The following EML5 variants were observed in gnomAD, a reference collection of about 807,000 sequenced individuals.
EML5 encodes the protein echinoderm microtubule-associated protein-like 5.
In EML5, 120 loss-of-function variants were observed where a neutral mutation model predicts 250.0. The ratio of observed to expected loss-of-function variants is 0.48; its 90% confidence interval spans 0.41 to 0.56. The LOEUF is 0.56. EML5 is among the 20% of genes least tolerant of loss of function. The pLI is 0.00. For missense variants in EML5, 2,006 were observed against 2,437.6 expected (o/e 0.82, Z 3.73); for synonymous variants, 771 against 806.5 (o/e 0.96, Z 0.75).
At chr14:88,773,365 A>T (rs1489037856) in intron 1 of EML5, among the ~76,000 whole-genome samples, 1 of 152,238 alleles carries the variant, frequency 6.6e-6, no homozygotes, top group African/African-American at 2.4e-5. Context: ...TTGCTTGGTA[A>T]TAAATCTCCA....
intron 21 of EML5, among the ~76,000 whole-genome samples, chr14:88,679,808 G>T (rs565286138): frequency 1.3e-5 from 2 of 152,168 alleles, no homozygotes; most frequent in African/African-American, 4.8e-5. Context: ...GATGATACAA[G>T]AGTCACAGGA....
At chr14:88,636,783 G>A (rs1193157407) in intron 32 of EML5, among the ~76,000 whole-genome samples, 1 of 152,218 alleles carries the variant, frequency 6.6e-6, no homozygotes, top group East Asian at 1.9e-4. Context: ...CACCAAGAAT[G>A]AGGGCCAAAG....
At chr14:88,741,275 T>G (rs995821628) in intron 4 of EML5, among the ~76,000 whole-genome samples, 1 of 152,166 alleles carries the variant, frequency 6.6e-6, no homozygotes, top group African/African-American at 2.4e-5. Context: ...ATACTCTCTC[T>G]GATAGAAACA....
chr14:88,778,072 G>A (rs1303938265), intron 1 of EML5, among the ~76,000 whole-genome samples: 1 of 152,166 alleles, frequency 6.6e-6, no homozygotes, highest in Non-Finnish European at 1.5e-5. Flanking sequence ...GTTGTTATCA[G>A]CTTAAAATAA....
At chr14:88,698,524 G>T (rs952046313) in intron 14 of EML5, among the ~76,000 whole-genome samples, 20 of 151,942 alleles carry the variant, frequency 1.3e-4, no homozygotes, top group Admixed American at 3.3e-4. Context: ...CTCAGTTTTC[G>T]AAAGTGCTAG....
At chr14:88,704,185 G>A (rs1447642550) in intron 13 of EML5, among the ~76,000 whole-genome samples, 2 of 152,156 alleles carry the variant, frequency 1.3e-5, no homozygotes, top group Non-Finnish European at 2.9e-5. Flanking sequence ...CCTTGGTGAT[G>A]AGTGAGTTCT....
chr14:88,702,357 C>A, intron 14 of EML5, 89 bp downstream of exon 14: 3 of 1,019,572 alleles, frequency 2.9e-6, no homozygotes, highest in South Asian at 2.7e-5. Flanking sequence ...TCTTCATATC[C>A]TAGAACATAA....
At chr14:88,765,043 C>T (rs550777220) in intron 1 of EML5, among the ~76,000 whole-genome samples, 4 of 152,266 alleles carry the variant, frequency 2.6e-5, no homozygotes, top group South Asian at 2.1e-4. Context: ...AGGAATTTCA[C>T]GTCTTTGCCA....
In EML5 at chr14:88,792,312, G is replaced by A. The variant is rs759849264; in HGVS notation, c.192C>T (p.Ile64=). 8 of 1,556,050 alleles carry A rather than the reference G, an allele frequency of 5.1e-6. No homozygotes were observed. The South Asian group carries it at 9.5e-5, about 18-fold the overall frequency. The change falls in exon 1 of 44, where the codon ATC becomes ATT. Residue 64 remains isoleucine (I), a synonymous_variant. Transcript: ENST00000554922. The surrounding 1 kb of genome is among the most constrained non-coding windows in gnomAD (Gnocchi z 6.9). ...CGGCCCCCGCTCCCCGGTACCTGATGATGTCGTCGCTGTGGCCCCGGTAGA... is the reference window on the plus strand; with the variant it reads ...CGGCCCCCGCTCCCCGGTACCTGATAATGTCGTCGCTGTGGCCCCGGTAGA... ...QKFYRGHSDD[I]ISLALHPERV... is the part of the protein sequence containing the mutation.
intron 4 of EML5, among the ~76,000 whole-genome samples, chr14:88,741,666 C>T (rs2140257062): frequency 6.6e-6 from 1 of 152,118 alleles, no homozygotes; most frequent in Middle Eastern, 3.4e-3. Flanking sequence ...TAAATCACAC[C>T]TGTGAATAGC....
intron 33 of EML5, among the ~76,000 whole-genome samples, chr14:88,631,643 G>A (rs934942728): frequency 1.3e-5 from 2 of 152,158 alleles, no homozygotes; most frequent in African/African-American, 2.4e-5. Flanking sequence ...GGTGGCAGTC[G>A]CCTGTAATCT....
chr14:88,754,586 C>T lies in EML5; in HGVS notation c.283G>A (p.Val95Met). 2 of 1,613,648 alleles carry T rather than the reference C, an allele frequency of 1.2e-6. No homozygotes were observed. Among genetic ancestry groups the T allele is most frequent in the Non-Finnish European group, 1.7e-6 (2 of 1,179,736 alleles). The change falls in exon 2 of 44, where the codon GTG (valine) becomes ATG (methionine). Residue 95 changes from valine to methionine, a missense_variant. Coordinates refer to ENST00000554922, the MANE Select transcript of EML5 (RefSeq NM_183387.3). ...PYICIWDSYT[V>M]QTISVLKDVH... ...TCCTTTAAAACTGATATGGTCTGCA[C>T]AGTGTATGAATCCCAAATACAAATA...
chr14:88,633,656 T>G (rs945792690), intron 33 of EML5, among the ~76,000 whole-genome samples: 1 of 152,206 alleles, frequency 6.6e-6, no homozygotes, highest in African/African-American at 2.4e-5. Context: ...ATCTATAGCC[T>G]CTGTAGCTAC....
chr14:88,726,111 CAAA>C (rs2093662851), intron 8 of EML5, among the ~76,000 whole-genome samples: 1 of 151,952 alleles, frequency 6.6e-6, no homozygotes, highest in Non-Finnish European at 1.5e-5. Context: ...ATTACTCAAA[CAAA>C]AGAAGAGATG....
chr14:88,614,926 GTGAATT>G lies in EML5; in HGVS notation c.*886_*891del, dbSNP rs1292655194. On this transcript the variant is annotated 3_prime_UTR_variant, in exon 44 of 44. Transcript: ENST00000554922. Reference sequence around the variant, plus strand: ...GATTAAATTGTATAATGTTGTATATGTGAATTTAACACTTTTGTTTACATGTTAAAC... The same window carrying G: ...GATTAAATTGTATAATGTTGTATATGTAACACTTTTGTTTACATGTTAAAC... 6.6e-6 allele frequency: 1 copy of G among 152,156 alleles called. No individual in the cohort carries two copies. The highest frequency in any genetic ancestry group is 1.9e-4 in the East Asian group (1 of 5,198). 9.4% of individuals were successfully genotyped at this position (152,156 alleles called of 1,614,324 possible). A position where few individuals can be genotyped will look rare whatever the true frequency, so the allele number is the denominator to read the frequency against.
intron 17 of EML5, among the ~76,000 whole-genome samples, chr14:88,690,674 A>C (rs1161798326): frequency 6.6e-6 from 1 of 152,244 alleles, no homozygotes; most frequent in African/African-American, 2.4e-5. Flanking sequence ...AAGTTGAAAG[A>C]GGGTTTTGTG....
At chr14:88,786,198 C>T (rs187376993) in intron 1 of EML5, among the ~76,000 whole-genome samples, 85 of 152,196 alleles carry the variant, frequency 5.6e-4, no homozygotes, top group Non-Finnish European at 1.3e-4. Context: ...TTCCTGGCCA[C>T]CCTATCTAAA....
chr14:88,633,027 A>G (rs998320979), intron 33 of EML5, among the ~76,000 whole-genome samples: 2 of 152,238 alleles, frequency 1.3e-5, no homozygotes, highest in African/African-American at 4.8e-5. Context: ...CAATGTAATA[A>G]ACTAAAGCCT....
chr14:88,642,786 C>T, intron 31 of EML5, 107 bp downstream of exon 31: 1 of 1,066,498 alleles, frequency 9.4e-7, no homozygotes, highest in Non-Finnish European at 1.3e-6. Context: ...AGTGTTTCTC[C>T]TACATTTCAA....
Sources: allele counts gnomAD v4.1 joint callset (sites outside exome capture counted in the v4.1 genomes callset), GRCh38; gene constraint gnomAD v4.1.1; non-coding constraint Gnocchi (gnomAD v3.1); transcripts MANE v1.5; gene names NCBI Gene and HGNC (gene_info 2026-07-23, HGNC 2026-07-21).